USP34: variants seen among roughly 807,000 people sequenced by gnomAD.
The protein encoded by USP34 is ubiquitin carboxyl-terminal hydrolase 34.
In USP34, 70 loss-of-function variants were observed where a neutral mutation model predicts 460.3. The ratio of observed to expected loss-of-function variants is 0.15; its 90% CI spans 0.13 to 0.19. The LOEUF (loss-of-function observed/expected upper bound fraction) is 0.19. USP34 is among the 10% of genes least tolerant of loss of function. The pLI is 1.00. For synonymous variants in USP34, 1,647 were observed against 1,405.3 expected (o/e 1.17, Z -3.85); for missense variants, 3,985 against 4,236.2 (o/e 0.94, Z 1.65).
chr2:61,408,407 A>G (rs1693944302), intron 2 of USP34, among the ~76,000 whole-genome samples: 1 of 152,122 alleles, frequency 6.6e-6, no homozygotes, highest in African/African-American at 2.4e-5. Context: ...AATTATAAAT[A>G]TATATAAATA....
chr2:61,218,377 C>T (rs1687465289), intron 67 of USP34, among the ~76,000 whole-genome samples: 1 of 151,066 alleles, frequency 6.6e-6, no homozygotes, highest in South Asian at 2.1e-4. Context: ...TGTGTTCACG[C>T]CACTGAAAGG....
chr2:61,376,554 T>C (rs903156572), intron 8 of USP34, among the ~76,000 whole-genome samples: 1 of 152,226 alleles, frequency 6.6e-6, no homozygotes, highest in Non-Finnish European at 1.5e-5. Flanking sequence ...ACATTAGCAA[T>C]TACATAAGGT....
intron 10 of USP34, among the ~76,000 whole-genome samples, chr2:61,367,266 T>C (rs557081037): frequency 1.3e-5 from 2 of 152,296 alleles, no homozygotes; most frequent in Middle Eastern, 3.4e-3. Context: ...GACACTGTCT[T>C]ATAAGGCAAT....
At chr2:61,329,883 T>C (rs984336267) in intron 20 of USP34, among the ~76,000 whole-genome samples, 1 of 152,168 alleles carries the variant, frequency 6.6e-6, no homozygotes, top group African/African-American at 2.4e-5. Context: ...TAGAGCTAGG[T>C]CTGCATGATT....
chr2:61,233,978 C>G (rs1256931689), intron 57 of USP34, among the ~76,000 whole-genome samples: 1 of 151,900 alleles, frequency 6.6e-6, no homozygotes, highest in Non-Finnish European at 1.5e-5. Context: ...GATGCATGAT[C>G]TATTTAGGTT....
intron 34 of USP34, among the ~76,000 whole-genome samples, chr2:61,288,230 G>A (rs973203926): frequency 2.0e-5 from 3 of 152,136 alleles, no homozygotes; most frequent in Non-Finnish European, 4.4e-5. Context: ...CTAAGTTCCT[G>A]ATAACCCAAC....
chr2:61,299,431 G>A (rs1690150657), intron 29 of USP34, among the ~76,000 whole-genome samples: 1 of 152,038 alleles, frequency 6.6e-6, no homozygotes, highest in Non-Finnish European at 1.5e-5. Flanking sequence ...GCTCCTTTAG[G>A]TGATATCACA....
Position 61,257,052 on chromosome 2 carries a change from C to T in USP34, c.6048G>A (p.Leu2016=), listed in dbSNP as rs770209752. 1 of 1,557,706 alleles carries T rather than the reference C, an allele frequency of 6.4e-7. No individual in the cohort carries two copies. The highest frequency in any genetic ancestry group is 2.3e-5 in the East Asian group (1 of 44,296). Residue 2016 remains leucine (L), a splice_region_variant and synonymous_variant, in exon 46 of 80, where the codon TTG becomes TTA. Transcript: ENST00000398571. ...AGTAAAAACCAGGTATAATACTTAC[C>T]AAGGATACAACATTGTTTGTAATTA... The part of the protein sequence containing the change: ...GGVITNNVVS[L]DCEHVSQTAE...
intron 75 of USP34, chr2:61,200,907 T>C (rs1407611271): frequency 6.6e-6 from 1 of 152,230 alleles, no homozygotes; most frequent in Non-Finnish European, 1.5e-5. Flanking sequence ...AGGATTGTTT[T>C]TAGGAAACAA....
intron 1 of USP34, among the ~76,000 whole-genome samples, chr2:61,425,625 C>T (rs1274154040): frequency 6.6e-6 from 1 of 152,168 alleles, no homozygotes; most frequent in Non-Finnish European, 1.5e-5. Context: ...ACCAGCCTCA[C>T]CATGGAGGGC....
In USP34 at chr2:61,452,789, A is replaced by T. The variant is rs2256617; in HGVS notation, c.43+17861T>A. On this transcript the variant is annotated intron_variant, in intron 1 of 79. Transcript: ENST00000398571. ...ACACACCTGCAGTCAGGAGGCTGAC[A>T]TAAGAGGATCGCTTGAGCCTCAGAG... is the stretch of plus-strand genomic sequence containing the variant. Among the ~76,000 whole-genome samples, 12 of 151,290 alleles carry T rather than the reference A, an allele frequency of 7.9e-5. No homozygotes were observed. In the South Asian group the frequency reaches 1.0e-3, roughly 13 times the overall value.
Position 61,220,294 on chromosome 2 carries a change from T to C in USP34, c.8047+16A>G. The C allele has an allele frequency of 6.3e-7, 1 of 1,591,010 alleles. No individual in the cohort carries two copies. The highest frequency in any genetic ancestry group is 8.5e-7 in the Non-Finnish European group (1 of 1,172,072). On this transcript the variant is annotated intron_variant, in intron 67 of 79. Coordinates refer to ENST00000398571, the MANE Select transcript of USP34 (RefSeq NM_014709.4). ...AATAAATAAATGGTTTATGAAATTC[T>C]AAATATTTGACTTACAAGTCCTCAC...
At chr2:61,444,606 CAT>C (rs1357266660) in intron 1 of USP34, among the ~76,000 whole-genome samples, 1 of 152,048 alleles carries the variant, frequency 6.6e-6, no homozygotes, top group Non-Finnish European at 1.5e-5. Flanking sequence ...GCGGACTTGT[CAT>C]AGTTAACTAC....
chr2:61,290,194 T>C (rs1689809335), intron 33 of USP34, among the ~76,000 whole-genome samples: 1 of 152,166 alleles, frequency 6.6e-6, no homozygotes, highest in Admixed American at 6.5e-5. Flanking sequence ...TTTAAAACCC[T>C]GTTCATATCA....
At chr2:61,238,901 A>T (rs1348956956) in intron 53 of USP34, among the ~76,000 whole-genome samples, 2 of 152,134 alleles carry the variant, frequency 1.3e-5, no homozygotes, top group South Asian at 2.1e-4. Context: ...TTCTAATAGC[A>T]TGTGCTCACT....
At chr2:61,311,712 T>C in intron 26 of USP34, 25 bp from the exon 27 acceptor site, 1 of 1,607,726 alleles carries the variant, frequency 6.2e-7, no homozygotes, top group Non-Finnish European at 8.5e-7. Context: ...GCAACCAATT[T>C]AAAAATACAA....
chr2:61,256,409 C>T lies in USP34; in HGVS notation c.6196G>A (p.Gly2066Arg). 6.2e-7 allele frequency: 1 copy of T among 1,612,270 alleles called. No homozygotes were observed. The highest frequency in any genetic ancestry group is 8.5e-7 in the Non-Finnish European group (1 of 1,179,232). Residue 2066 changes from glycine (G) to arginine (R), a missense_variant, in exon 48 of 80, where the codon GGG (glycine) becomes AGG (arginine). By Grantham distance (125) the Gly-to-Arg change is moderately radical. Coordinates refer to ENST00000398571, the MANE Select transcript of USP34 (RefSeq NM_014709.4). ...CTTTTTTCAGCTCGTACTTTCTTCCCACAATGAGAACAAGTATACATGTTA... is the reference window on the plus strand; with the variant it reads ...CTTTTTTCAGCTCGTACTTTCTTCCTACAATGAGAACAAGTATACATGTTA... ...GDNMYTCSHC[G>R]KKVRAEKRAC... is the part of the protein sequence containing the mutation.
At chr2:61,248,421 T>C (rs1329257606) in intron 49 of USP34, 90 bp downstream of exon 49, 14 of 1,324,302 alleles carry the variant, frequency 1.1e-5, no homozygotes, top group Admixed American at 7.7e-5. Context: ...TTTTGTTAAC[T>C]GTGTAGTTGA....
intron 2 of USP34, among the ~76,000 whole-genome samples, chr2:61,413,776 G>A (rs979700389): frequency 3.0e-4 from 44 of 145,068 alleles, no homozygotes; most frequent in African/African-American, 1.1e-3. Flanking sequence ...TCAGGAGCTC[G>A]AGCCCAGCCT....
Sources: allele counts gnomAD v4.1 joint callset (sites outside exome capture counted in the v4.1 genomes callset), GRCh38; gene constraint gnomAD v4.1.1; transcripts MANE v1.5; gene names NCBI Gene and HGNC (gene_info 2026-07-23, HGNC 2026-07-21).